Variants in SEMA4G observed in about 807,000 individuals in gnomAD.
The protein encoded by SEMA4G is semaphorin-4G.
A neutral mutation model predicts 81.2 loss-of-function variants in SEMA4G; 59 were observed. The ratio of observed to expected loss-of-function variants is 0.73; its 90% CI spans 0.59 to 0.90. The LOEUF (loss-of-function observed/expected upper bound fraction) is 0.90. Ranked by LOEUF, SEMA4G falls within the 40% of genes least tolerant of loss-of-function variation. The probability of loss-of-function intolerance (pLI) is 0.00; values close to 1 mark genes in which losing one functional copy is unlikely to be tolerated. For synonymous variants in SEMA4G, 404 were observed against 433.9 expected (o/e 0.93, Z 0.86); for missense variants, 952 against 1,102.3 (o/e 0.86, Z 1.93).
Position 100,983,459 on chromosome 10 carries a change from C to T in SEMA4G, c.1845C>T (p.Asp615=), listed in dbSNP as rs142773171. 8.9e-5 allele frequency: 143 copies of T among 1,614,104 alleles called. No individual in the cohort carries two copies. The African/African-American group carries it at 9.6e-4, about 11-fold the overall frequency. Residue 615 remains aspartate, a synonymous_variant, in exon 14 of 14, where the codon GAC becomes GAT. Transcript: ENST00000370250. ...AGGGTGGCTACCGTGTGGGCGTGGACGGGCTGCTGGTTACAGATGCACAGC... is the reference window on the plus strand; with the variant it reads ...AGGGTGGCTACCGTGTGGGCGTGGATGGGCTGCTGGTTACAGATGCACAGC...
Position 100,978,521 on chromosome 10 carries a change from C to A in SEMA4G, c.530-6C>A. ...GTCTCTCATGCCTGGAATATCCCCA[C>A]GCCAGATGGAGGCCTCTACACAGCC... On this transcript the variant is annotated splice_region_variant and splice_polypyrimidine_tract_variant and intron_variant, in intron 5 of 13. Coordinates refer to ENST00000370250, the Ensembl canonical transcript of SEMA4G. 1 of 1,612,938 alleles carries A rather than the reference C, an allele frequency of 6.2e-7. No homozygotes were observed. The highest frequency in any genetic ancestry group is 8.5e-7 in the Non-Finnish European group (1 of 1,179,016).
intron 3 of SEMA4G, among the ~76,000 whole-genome samples, chr10:100,976,338 A>G (rs1850784545): frequency 6.6e-6 from 1 of 152,160 alleles, no homozygotes; most frequent in African/African-American, 2.4e-5. Context: ...CAGGTCACTG[A>G]TGAGCCGATA....
chr10:100,972,663 A>C lies in SEMA4G; in HGVS notation c.-250A>C. The C allele has an allele frequency of 2.2e-6, 1 of 461,180 alleles. No individual in the cohort carries two copies. The highest frequency in any genetic ancestry group is 3.8e-6 in the Non-Finnish European group (1 of 259,808). 28.6% of individuals were successfully genotyped at this position (461,180 alleles called of 1,614,324 possible). A position where few individuals can be genotyped will look rare whatever the true frequency, so the allele number is the denominator to read the frequency against. On this transcript the variant is annotated 5_prime_UTR_variant, in exon 1 of 14. An upstream open reading frame in the 5' UTR loses its in-frame stop. Transcript: ENST00000370250. ...TGCATTTGATGCAGAAAGGCATGTG[A>C]TCCCTCCCTCCTTCTGACCTCTTAG...
At chr10:100,977,787 G>A in intron 4 of SEMA4G, 57 bp downstream of exon 5, 1 of 1,409,700 alleles carries the variant, frequency 7.1e-7, no homozygotes, top group Non-Finnish European at 1.0e-6. Context: ...ATGGGATCAT[G>A]TTCAAGATGC....
chr10:100,985,020 T>G, downstream of SEMA4G: 1 of 1,102,502 alleles, frequency 9.1e-7, no homozygotes, highest in African/African-American at 1.6e-5. Context: ...ACCTGTCTGT[T>G]GGGTTTAGTC....
At position 100,980,796 on chromosome 10, in the gene SEMA4G, G is replaced by A. The variant is rs376522749; in HGVS notation, c.1468-26G>A. 4 of 1,550,280 alleles carry A rather than the reference G, an allele frequency of 2.6e-6. No individual in the cohort carries two copies. The African/African-American group carries it at 4.2e-5, about 16-fold the overall frequency. ...TATCTGTATGAGTGGGGACGCTGCC[G>A]ACCAACTGTCCTATCTGGCTCCCAG... On this transcript the variant is annotated intron_variant, in intron 11 of 13. Coordinates refer to ENST00000370250, the Ensembl canonical transcript of SEMA4G.
rs554180516 is a variant in SEMA4G at position 100,984,656 on chromosome 10, C to T, written c.*525C>T. 82 of 1,536,244 alleles carry T rather than the reference C, an allele frequency of 5.3e-5. No individual in the cohort carries two copies. In the African/African-American group the frequency reaches 1.1e-3, roughly 21 times the overall value. On this transcript the variant is annotated 3_prime_UTR_variant, in exon 14 of 14. Transcript: ENST00000370250. ...TATCGGCTGGGCTGCAGTGCCCCCACCCTCACCTTCTCCTGGTGCATTCTT... is the reference window on the plus strand; with the variant it reads ...TATCGGCTGGGCTGCAGTGCCCCCATCCTCACCTTCTCCTGGTGCATTCTT...
chr10:100,981,634 A>G, intron 13 of SEMA4G: 2 of 1,467,424 alleles, frequency 1.4e-6, no homozygotes, highest in Non-Finnish European at 1.9e-6. Flanking sequence ...TCTATGCATG[A>G]TGTCATCTAC....
chr10:100,983,596 C>T (rs1376084022), exon 14 of SEMA4G: 4 of 1,613,998 alleles, frequency 2.5e-6, no homozygotes, highest in Non-Finnish European at 1.7e-6. Flanking sequence ...GCTCCAAAAG[C>T]CCCTGCCACA....
At chr10:100,978,730 TC>T in intron 6 of SEMA4G, 90 bp downstream of exon 7, 1 of 1,552,892 alleles carries the variant, frequency 6.4e-7, no homozygotes, top group Non-Finnish European at 8.8e-7. Flanking sequence ...CACCCCCAAA[TC>T]CCCAGGTGAG....
chr10:100,978,368 G>T (rs1236872889), exon 5 of SEMA4G: 1 of 1,613,332 alleles, frequency 6.2e-7, no homozygotes, highest in Admixed American at 1.7e-5. Flanking sequence ...CCAGCCCGTG[G>T]CTTCACAGGC....
upstream of SEMA4G, among the ~76,000 whole-genome samples, chr10:100,970,221 G>A (rs1191087271): frequency 6.6e-6 from 1 of 152,104 alleles, no homozygotes; most frequent in African/African-American, 2.4e-5. Context: ...GTGGAACTTG[G>A]GGTGGAGTGT....
rs1299604159 is a variant in SEMA4G at position 100,977,737 on chromosome 10, A to T, written c.435+7A>T. 6.2e-7 allele frequency: 1 copy of T among 1,606,570 alleles called. No homozygotes were observed. On this transcript the variant is annotated splice_region_variant and intron_variant, in intron 4 of 13. Coordinates refer to ENST00000370250, the Ensembl canonical transcript of SEMA4G. The stretch of plus-strand genomic sequence containing the variant: ...GCCCCTCTGTGCAGCCATTGTGAGT[A>T]TACCTGTGTTGTGCCAGATCTCTGT...
chr10:100,972,917 G>T (rs745907076), exon 1 of SEMA4G: 5 of 1,607,004 alleles, frequency 3.1e-6, no homozygotes, highest in Admixed American at 1.7e-5. Context: ...AGGAAGATGT[G>T]GGGGAGGCTC....
chr10:100,972,832 TG>T (rs1850669696), exon 1 of SEMA4G: 2 of 1,484,626 alleles, frequency 1.3e-6, no homozygotes, highest in Admixed American at 4.5e-5. Flanking sequence ...CCCCTGTGAC[TG>T]TGCTTCCCAT....
At chr10:100,971,135 TGC>T (rs1226048172), upstream of SEMA4G, among the ~76,000 whole-genome samples, 1 of 144,874 alleles carries the variant, frequency 6.9e-6, no homozygotes, top group Admixed American at 6.9e-5. Context: ...TGTGTGTGTG[TGC>T]ACCCATGTGC....
chr10:100,978,730 T>G, intron 6 of SEMA4G, 90 bp downstream of exon 7: 1 of 1,552,892 alleles, frequency 6.4e-7, no homozygotes, highest in Non-Finnish European at 8.8e-7. Flanking sequence ...CACCCCCAAA[T>G]CCCCAGGTGA....
In SEMA4G at chr10:100,980,260, C is replaced by T. The variant is rs759518723; in HGVS notation, c.1267C>T (p.Arg423Cys). Residue 423 changes from arginine (R) to cysteine (C), a missense_variant, in exon 10 of 14, where the codon CGC (arginine) becomes TGC (cysteine). Around this residue, in one of 3 missense-constraint regions of SEMA4G, gnomAD observed 131 missense variants for 200.7 expected, o/e 0.65. Coordinates refer to ENST00000370250, the Ensembl canonical transcript of SEMA4G. ...ACGTGGACGGCCCCTGCTGCTCAAGCGCAACATACGCTACACACACCTTAC... is the reference window on the plus strand; with the variant it reads ...ACGTGGACGGCCCCTGCTGCTCAAGTGCAACATACGCTACACACACCTTAC... 38 of 1,614,116 alleles carry T rather than the reference C, an allele frequency of 2.4e-5. No individual in the cohort carries two copies. Among genetic ancestry groups the T allele is most frequent in the East Asian group, 4.5e-5 (2 of 44,902 alleles).
At chr10:100,972,898 G>A in exon 1 of SEMA4G, 1 of 1,596,476 alleles carries the variant, frequency 6.3e-7, no homozygotes. Flanking sequence ...TGTTAGTCTG[G>A]GCCTCCCCAG....
Sources: gnomAD v4.1 joint callset for allele counts (sites outside exome capture counted in the v4.1 genomes callset) on GRCh38, gnomAD v4.1.1 for gene constraint, gnomAD v4.1.1 regional missense constraint, MANE v1.5 for transcripts, NCBI Gene and HGNC (gene_info 2026-07-23, HGNC 2026-07-21) for gene names.